GRIK1: variants seen among roughly 807,000 people sequenced by gnomAD.
The protein encoded by GRIK1 is glutamate ionotropic receptor kainate type subunit 1, also known as glutamate receptor ionotropic, kainate 1.
A neutral mutation model predicts 105.7 loss-of-function variants in GRIK1; 69 were observed. The ratio of observed to expected loss-of-function variants is 0.65; its 90% CI spans 0.54 to 0.80. GRIK1 has a LOEUF of 0.80. Ranked by LOEUF, GRIK1 falls within the 30% of genes least tolerant of loss-of-function variation. The probability of loss-of-function intolerance (pLI) is 0.00; values close to 1 mark genes in which losing one functional copy is unlikely to be tolerated. For synonymous variants in GRIK1, 438 were observed against 431.3 expected, an observed-to-expected ratio of 1.02 and a Z score of -0.19; for missense variants, 1,109 against 1,167.3, an observed-to-expected ratio of 0.95 and a Z score of 0.73.
chr21:29,805,283 G>A (rs962971313), intron 1 of GRIK1, among the ~76,000 whole-genome samples: 2 of 152,114 alleles, frequency 1.3e-5, no homozygotes, highest in African/African-American at 2.4e-5. Context: ...TGGAACTGCT[G>A]CAGCCACTTT....
At chr21:29,603,218 C>CTTGT (rs2061551109) in intron 7 of GRIK1, among the ~76,000 whole-genome samples, 2 of 151,906 alleles carry the variant, frequency 1.3e-5, no homozygotes, top group African/African-American at 4.8e-5. Flanking sequence ...GGATACTTTA[C>CTTGT]CACTGATAGT....
chr21:29,898,887 G>A (rs368995256), intron 1 of GRIK1, among the ~76,000 whole-genome samples: 9 of 151,912 alleles, frequency 5.9e-5, no homozygotes, highest in East Asian at 5.8e-4. Flanking sequence ...CAGGAGAATC[G>A]CTTGAACCTG....
At chr21:29,857,962 C>T (rs57994561) in intron 1 of GRIK1, among the ~76,000 whole-genome samples, 61 of 152,284 alleles carry the variant, frequency 4.0e-4, no homozygotes, top group African/African-American at 1.3e-3. Context: ...TGCGGTGTCA[C>T]GATCTTGGCT....
At chr21:29,707,454 C>CCCTCCCTTCCTTCCTTCATTCCTTCCTT (rs1199908885) in intron 1 of GRIK1, among the ~76,000 whole-genome samples, 1 of 88,522 alleles carries the variant, frequency 1.1e-5, no homozygotes, top group Admixed American at 1.3e-4. Context: ...CTCCCTCCCT[C>CCCTCCCTTCCTTCCTTCATTCCTTCCTT]CCTCCCTCCC....
chr21:29,869,300 A>G (rs2068931032), intron 1 of GRIK1, among the ~76,000 whole-genome samples: 1 of 152,226 alleles, frequency 6.6e-6, no homozygotes, highest in South Asian at 2.1e-4. Context: ...CCATTAAATT[A>G]TGCAACCGGG....
At chr21:29,780,717 AT>A (rs1176913104) in intron 1 of GRIK1, among the ~76,000 whole-genome samples, 1 of 152,184 alleles carries the variant, frequency 6.6e-6, no homozygotes, top group Non-Finnish European at 1.5e-5. Context: ...ATGATTAGAT[AT>A]TGTTCTTAAT....
chr21:29,673,817 TA>T (rs975948522), intron 3 of GRIK1, among the ~76,000 whole-genome samples: 14 of 151,776 alleles, frequency 9.2e-5, no homozygotes, highest in Admixed American at 6.6e-4. Context: ...AAACAGAATT[TA>T]AAAAAAAATT....
chr21:29,850,707 T>C (rs1310212752), intron 1 of GRIK1, among the ~76,000 whole-genome samples: 5 of 152,216 alleles, frequency 3.3e-5, no homozygotes, highest in Admixed American at 6.5e-5. Flanking sequence ...ATAAATTCTC[T>C]TTATTAAGAA....
At chr21:29,872,985 A>G in intron 1 of GRIK1, among the ~76,000 whole-genome samples, 1 of 152,242 alleles carries the variant, frequency 6.6e-6, no homozygotes, top group South Asian at 2.1e-4. Context: ...GATTGAGACG[A>G]AAGTGGACAG....
chr21:29,580,664 G>A (rs887126207), intron 13 of GRIK1, among the ~76,000 whole-genome samples: 3 of 151,682 alleles, frequency 2.0e-5, no homozygotes, highest in South Asian at 2.1e-4. Context: ...CATATATTCC[G>A]AACACAACAG....
At chr21:29,890,603 G>C (rs1415405342) in intron 1 of GRIK1, among the ~76,000 whole-genome samples, 1 of 152,060 alleles carries the variant, frequency 6.6e-6, no homozygotes, top group Admixed American at 6.5e-5. Context: ...TATAATACTA[G>C]TATAATTAAA....
intron 1 of GRIK1, among the ~76,000 whole-genome samples, chr21:29,725,950 G>C (rs1318296908): frequency 2.0e-5 from 3 of 152,106 alleles, no homozygotes; most frequent in Non-Finnish European, 2.9e-5. Context: ...CTTACAACTA[G>C]AGCATTAATA....
intron 1 of GRIK1, among the ~76,000 whole-genome samples, chr21:29,725,833 C>A (rs548667542): frequency 6.6e-6 from 1 of 152,308 alleles, no homozygotes; most frequent in East Asian, 1.9e-4. Flanking sequence ...ATAGAGCATA[C>A]CTTTTCTCTC....
intron 9 of GRIK1, among the ~76,000 whole-genome samples, chr21:29,594,682 A>G (rs1186678898): frequency 6.6e-6 from 1 of 152,204 alleles, no homozygotes; most frequent in Non-Finnish European, 1.5e-5. Flanking sequence ...CGATGCAATA[A>G]AAAGGGTATT....
chr21:29,780,564 A>G (rs1210197378), intron 1 of GRIK1, among the ~76,000 whole-genome samples: 2 of 152,188 alleles, frequency 1.3e-5, no homozygotes, highest in African/African-American at 4.8e-5. Context: ...TTTGCTAGGT[A>G]TCCCTGCCTG....
chr21:29,820,542 G>A (rs2067272687), intron 1 of GRIK1, among the ~76,000 whole-genome samples: 1 of 151,970 alleles, frequency 6.6e-6, no homozygotes, highest in African/African-American at 2.4e-5. Flanking sequence ...AGAAATCATG[G>A]GCGTGAGATG....
chr21:29,707,020 G>T (rs988607804), intron 1 of GRIK1, among the ~76,000 whole-genome samples: 2 of 152,118 alleles, frequency 1.3e-5, no homozygotes, highest in Admixed American at 6.6e-5. Flanking sequence ...GCCCGCCACC[G>T]CGCCCTGCTA....
At chr21:29,785,167 A>T (rs1003570327) in intron 1 of GRIK1, among the ~76,000 whole-genome samples, 1 of 152,194 alleles carries the variant, frequency 6.6e-6, no homozygotes, top group Non-Finnish European at 1.5e-5. Flanking sequence ...CAGAAGTATC[A>T]CCATTTTATA....
intron 1 of GRIK1, among the ~76,000 whole-genome samples, chr21:29,775,101 G>A (rs144456169): frequency 2.0e-5 from 3 of 152,002 alleles, no homozygotes; most frequent in Middle Eastern, 6.8e-3. Context: ...GGCAGATCAC[G>A]AGGTCAGGAG....
Sources: allele counts gnomAD v4.1 joint callset (sites outside exome capture counted in the v4.1 genomes callset), GRCh38; gene constraint gnomAD v4.1.1; transcripts MANE v1.5; gene names NCBI Gene and HGNC (gene_info 2026-07-23, HGNC 2026-07-21).